Variants in PTK2 observed in about 807,000 individuals in gnomAD.
PTK2 encodes protein tyrosine kinase 2, also known as focal adhesion kinase 1.
In PTK2, 45 loss-of-function variants were observed where a neutral mutation model predicts 150.1. That is an observed-to-expected ratio of 0.30 (90% CI 0.24 to 0.38). The LOEUF (loss-of-function observed/expected upper bound fraction) is 0.38, where lower values mean the gene tolerates loss of function less well. PTK2 is among the 10% of genes least tolerant of loss of function. The pLI is 1.00. For missense variants in PTK2, 919 were observed against 1,307.3 expected, an observed-to-expected ratio of 0.70 and a Z score of 4.58; for synonymous variants, 432 against 449.2, an observed-to-expected ratio of 0.96 and a Z score of 0.48.
chr8:140,692,394 A>G (rs1331995229), intron 26 of PTK2, among the ~76,000 whole-genome samples: 1 of 152,184 alleles, frequency 6.6e-6, no homozygotes, highest in Non-Finnish European at 1.5e-5. Context: ...AGGTGGGTGG[A>G]TCACCTGAGG....
chr8:140,671,324 C>T (rs1175734364), intron 29 of PTK2, among the ~76,000 whole-genome samples: 2 of 152,086 alleles, frequency 1.3e-5, no homozygotes, highest in African/African-American at 2.4e-5. Flanking sequence ...TGGATTCCAG[C>T]GATTCTTGTG....
chr8:140,776,374 A>T (rs1237759498), intron 14 of PTK2, among the ~76,000 whole-genome samples: 1 of 152,244 alleles, frequency 6.6e-6, no homozygotes, highest in Non-Finnish European at 1.5e-5. Context: ...TTCCTTTACA[A>T]ATCCACTTGT....
chr8:140,925,946 A>G (rs915386413), intron 1 of PTK2, among the ~76,000 whole-genome samples, 197 bp from the exon 2 acceptor site: 6 of 152,242 alleles, frequency 3.9e-5, no homozygotes, highest in Admixed American at 1.3e-4. Flanking sequence ...CTCTGTGCCA[A>G]GCCTTCTTCC....
At chr8:140,937,742 C>T (rs1046168245) in intron 1 of PTK2, among the ~76,000 whole-genome samples, 2 of 151,980 alleles carry the variant, frequency 1.3e-5, no homozygotes, top group African/African-American at 4.8e-5. Flanking sequence ...TTAATGTGAC[C>T]ACAAAAGTAC....
intron 22 of PTK2, among the ~76,000 whole-genome samples, chr8:140,720,405 A>G (rs1240314981): frequency 6.6e-6 from 1 of 151,812 alleles, no homozygotes; most frequent in Non-Finnish European, 1.5e-5. Flanking sequence ...AAATTCAGGG[A>G]TCATTAGTGG....
At chr8:140,702,309 TC>T (rs1194307613) in intron 25 of PTK2, among the ~76,000 whole-genome samples, 2 of 150,668 alleles carry the variant, frequency 1.3e-5, no homozygotes, top group Non-Finnish European at 3.0e-5. Flanking sequence ...AGTCTCGACT[TC>T]CTAGGCTCAA....
intron 2 of PTK2, among the ~76,000 whole-genome samples, chr8:140,897,390 T>C (rs1568410776): frequency 6.6e-6 from 1 of 151,906 alleles, no homozygotes; most frequent in African/African-American, 2.4e-5. Context: ...AGGAATGTTA[T>C]TTTGTTTTAC....
intron 1 of PTK2, among the ~76,000 whole-genome samples, chr8:140,981,756 G>T (rs1450360700): frequency 6.6e-6 from 1 of 152,160 alleles, no homozygotes; most frequent in Non-Finnish European, 1.5e-5. Context: ...GTACAGCAGA[G>T]CTGAGTACTT....
chr8:140,866,148 C>T (rs1451585412), intron 4 of PTK2, among the ~76,000 whole-genome samples: 1 of 152,176 alleles, frequency 6.6e-6, no homozygotes, highest in Non-Finnish European at 1.5e-5. Context: ...TAATTATTCG[C>T]ATTCTGCAGA....
intron 22 of PTK2, chr8:140,718,009 C>T (rs1293302530): frequency 3.3e-6 from 1 of 302,700 alleles, no homozygotes; most frequent in Non-Finnish European, 6.4e-6. Flanking sequence ...GTTTGCATGC[C>T]AAAGTTTATC....
intron 5 of PTK2, among the ~76,000 whole-genome samples, chr8:140,862,168 A>C (rs537838856): frequency 7.2e-5 from 11 of 152,132 alleles, no homozygotes; most frequent in Non-Finnish European, 1.6e-4. Context: ...AAAAGGAGTC[A>C]CTTAAGCCTG....
exon 29 of PTK2, chr8:140,674,402 G>A (rs772922768): frequency 1.3e-6 from 2 of 1,587,550 alleles, no homozygotes; most frequent in Non-Finnish European, 1.7e-6. Context: ...GGAGCTGCAG[G>A]ATCTGGTGAG....
At chr8:140,737,957 A>G (rs763600888) in intron 21 of PTK2, among the ~76,000 whole-genome samples, 9 of 152,204 alleles carry the variant, frequency 5.9e-5, no homozygotes, top group Non-Finnish European at 1.0e-4. Context: ...TCTTTCCTTT[A>G]CCTAGTTATC....
intron 1 of PTK2, among the ~76,000 whole-genome samples, chr8:140,975,718 T>C (rs150238698): frequency 6.6e-6 from 1 of 152,326 alleles, no homozygotes; most frequent in Non-Finnish European, 1.5e-5. Context: ...AGGGGAAGTC[T>C]GCCGACCCCT....
intron 26 of PTK2, among the ~76,000 whole-genome samples, chr8:140,695,185 A>G (rs1276693121): frequency 6.6e-6 from 1 of 152,166 alleles, no homozygotes; most frequent in African/African-American, 2.4e-5. Context: ...GGTGACACCA[A>G]TGCTATGATT....
At chr8:140,799,109 T>C (rs1316245242) in intron 12 of PTK2, 1 of 152,258 alleles carries the variant, frequency 6.6e-6, no homozygotes, top group Non-Finnish European at 1.5e-5. Context: ...CGAAGGCTCA[T>C]GGCTTCAGCT....
chr8:140,993,687 G>A (rs2100196588), intron 1 of PTK2, among the ~76,000 whole-genome samples: 1 of 152,106 alleles, frequency 6.6e-6, no homozygotes, highest in Non-Finnish European at 1.5e-5. Flanking sequence ...ATAAGAATAT[G>A]AGGGCAAAAA....
intron 4 of PTK2, among the ~76,000 whole-genome samples, chr8:140,872,208 C>T (rs1274153375): frequency 1.3e-5 from 2 of 150,948 alleles, no homozygotes. Flanking sequence ...CCATGCCTGG[C>T]TAATTTTTGT....
At chr8:140,795,661 T>A (rs1201520760) in intron 12 of PTK2, among the ~76,000 whole-genome samples, 1 of 152,228 alleles carries the variant, frequency 6.6e-6, no homozygotes, top group African/African-American at 2.4e-5. Context: ...TTTCCATGCA[T>A]GCACAACCCT....
Sources: gnomAD v4.1 joint callset for allele counts (sites outside exome capture counted in the v4.1 genomes callset) on GRCh38, gnomAD v4.1.1 for gene constraint, MANE v1.5 for transcripts, NCBI Gene and HGNC (gene_info 2026-07-23, HGNC 2026-07-21) for gene names.